The following PGS1 variants were observed in gnomAD, a reference collection of about 807,000 sequenced individuals.
PGS1 encodes CDP-diacylglycerol--glycerol-3-phosphate 3-phosphatidyltransferase, mitochondrial.
A neutral mutation model predicts 58.3 loss-of-function variants in PGS1; 44 were observed. The ratio of observed to expected loss-of-function variants is 0.75; its 90% CI spans 0.59 to 0.97. PGS1 has a LOEUF of 0.97. PGS1 is among the 50% of genes least tolerant of loss of function. PGS1 has a pLI of 0.00. For missense variants in PGS1, 684 were observed against 731.1 expected, an observed-to-expected ratio of 0.94 and a Z score of 0.74; for synonymous variants, 330 against 311.0, an observed-to-expected ratio of 1.06 and a Z score of -0.64.
intron 1 of PGS1, among the ~76,000 whole-genome samples, chr17:78,387,590 C>T (rs55938653): frequency 0.42 from 59,468 of 141,936 alleles, 12,877 homozygotes; most frequent in Non-Finnish European, 0.49. Context: ...TGAGCCATCG[C>T]GCCCAGCCTT....
chr17:78,398,064 T>C (rs1475583106), intron 3 of PGS1, 188 bp from the exon 4 acceptor site: 2 of 667,566 alleles, frequency 3.0e-6, no homozygotes, highest in South Asian at 1.5e-5. Flanking sequence ...CCCTGGGTGC[T>C]TCTTCTGATG....
chr17:78,393,981 C>T (rs1003627283), intron 2 of PGS1, among the ~76,000 whole-genome samples: 4 of 151,706 alleles, frequency 2.6e-5, no homozygotes, highest in South Asian at 4.2e-4. Flanking sequence ...GTCAGGAGTT[C>T]GAGAACAGCC....
chr17:78,422,969 G>A (rs931534622), intron 9 of PGS1, among the ~76,000 whole-genome samples: 2 of 152,000 alleles, frequency 1.3e-5, no homozygotes, highest in Non-Finnish European at 2.9e-5. Context: ...GGTGGTGGGT[G>A]CCTGTAACCC....
intron 8 of PGS1, 60 bp downstream of exon 8, chr17:78,415,087 C>T (rs2085062470): frequency 6.3e-7 from 1 of 1,590,174 alleles, no homozygotes; most frequent in Non-Finnish European, 8.6e-7. Flanking sequence ...GGCCCAGGCT[C>T]ACCCGTGCTG....
intron 2 of PGS1, among the ~76,000 whole-genome samples, chr17:78,394,611 A>C (rs746523662): frequency 2.0e-5 from 3 of 151,594 alleles, no homozygotes; most frequent in Non-Finnish European, 4.4e-5. Flanking sequence ...GCTGGAGTGC[A>C]ATGGCACGAT....
intron 9 of PGS1, among the ~76,000 whole-genome samples, chr17:78,423,094 C>A (rs1260463278): frequency 9.0e-6 from 1 of 110,560 alleles, no homozygotes; most frequent in African/African-American, 2.9e-5. Flanking sequence ...GTGAAACTCT[C>A]ACTCTCCCTC....
chr17:78,398,991 C>T (rs1296540752), intron 4 of PGS1, among the ~76,000 whole-genome samples: 1 of 152,218 alleles, frequency 6.6e-6, no homozygotes, highest in African/African-American at 2.4e-5. Context: ...CCTCATGGAG[C>T]TGGGGGTGAG....
intron 2 of PGS1, among the ~76,000 whole-genome samples, chr17:78,393,170 C>T (rs1325247859): frequency 2.0e-5 from 3 of 152,072 alleles, no homozygotes; most frequent in Non-Finnish European, 2.9e-5. Flanking sequence ...ACGCCATTCT[C>T]CTGCCTCAGC....
intron 1 of PGS1, among the ~76,000 whole-genome samples, chr17:78,379,839 A>G (rs2081910702): frequency 5.3e-5 from 8 of 151,976 alleles, no homozygotes. Flanking sequence ...CAAAAAAAAA[A>G]AATTCTCTTG....
In PGS1 at chr17:78,414,924, T is replaced by G. The variant is rs1179152699; in HGVS notation, c.1448T>G (p.Leu483Arg). The G allele has an allele frequency of 6.2e-7, 1 of 1,614,052 alleles. No individual in the cohort carries two copies. Residue 483 changes from leucine (L) to arginine (R), a missense_variant, in exon 8 of 10, where the codon CTG becomes CGG. Coordinates refer to ENST00000262764, the MANE Select transcript of PGS1 (RefSeq NM_024419.5). ...LAGSSLPCLTLIGSPNFGYRS... is the reference protein window; with the variant it reads ...LAGSSLPCLTRIGSPNFGYRS... ...GGGAGCAGCCTGCCCTGTCTCACGC[T>G]GATTGGCTCTCCTAATTTTGGGTAC...
rs764654492 is a variant in PGS1 at position 78,396,308 on chromosome 17, G to A, written c.334G>A (p.Gly112Arg). ...ATTTTGAATTTTTCTCCTCTCTCAG[G>A]GGCAGATAAGAGTAGCCAAGAGGCG... ...SPAEFFELMKGQIRVAKRRVV... is the reference protein window; with the variant it reads ...SPAEFFELMKRQIRVAKRRVV... The change falls in exon 3 of 10, where the codon GGG becomes AGG. Residue 112 changes from glycine (G) to arginine (R), a missense_variant and splice_region_variant. Physicochemically the swap from Gly to Arg is moderately radical, Grantham distance 125 (BLOSUM62 -2). Coordinates refer to ENST00000262764, the MANE Select transcript of PGS1 (RefSeq NM_024419.5). The A allele has an allele frequency of 4.2e-5, 67 of 1,611,600 alleles. No individual in the cohort carries two copies. Among genetic ancestry groups the A allele is most frequent in the Non-Finnish European group, 5.2e-5 (61 of 1,177,878 alleles).
At chr17:78,403,491 T>C (rs1454686647) in intron 6 of PGS1, 77 bp from the exon 7 acceptor site, 2 of 1,456,842 alleles carry the variant, frequency 1.4e-6, no homozygotes, top group African/African-American at 1.4e-5. Flanking sequence ...GCCTATCACA[T>C]GCCCTGTCCC....
In PGS1 at chr17:78,422,571, C is replaced by G. The variant is rs116521222; in HGVS notation, c.*11-1490C>G. On this transcript the variant is annotated intron_variant, in intron 9 of 9. Transcript: ENST00000262764. ...TGGAGTGAGTGGCATGATCATGCCTCGCTGCGTACTTGACCTCATGGGCTC... is the reference window on the plus strand; with the variant it reads ...TGGAGTGAGTGGCATGATCATGCCTGGCTGCGTACTTGACCTCATGGGCTC... 3.2e-3 allele frequency among the ~76,000 whole-genome samples: 482 copies of G among 152,208 alleles called. 3 individuals carry two copies. The highest frequency in any genetic ancestry group is 0.011 in the African/African-American group (447 of 41,528).
chr17:78,423,848 G>T, intron 9 of PGS1: 2 of 1,598,444 alleles, frequency 1.3e-6, no homozygotes, highest in South Asian at 2.2e-5. Context: ...AGGTGCACAG[G>T]TGAAGGGCTG....
At chr17:78,417,622 T>G (rs1024166554) in intron 8 of PGS1, among the ~76,000 whole-genome samples, 5 of 152,118 alleles carry the variant, frequency 3.3e-5, no homozygotes, top group Non-Finnish European at 5.9e-5. Flanking sequence ...CCCGGCCTCC[T>G]GAGCAGGGAG....
At position 78,415,038 on chromosome 17, in the gene PGS1, G is replaced by C. The variant is rs1392500999; in HGVS notation, c.1551+11G>C. On this transcript the variant is annotated intron_variant, in intron 8 of 9. Transcript: ENST00000262764. ...CAGCAGCTTCACCAGGTTGGTCGCA[G>C]CAAGTGGGATTTCCCAGGGCGCTGA... The C allele has an allele frequency of 6.8e-6, 11 of 1,610,222 alleles. No homozygotes were observed. Among genetic ancestry groups the C allele is most frequent in the South Asian group, 5.5e-5 (5 of 90,844 alleles).
In PGS1 at chr17:78,402,654, G is replaced by T. The variant is rs192674109; in HGVS notation, c.881-914G>T. Among the ~76,000 whole-genome samples the T allele has an allele frequency of 3.3e-5, 5 of 152,200 alleles. No homozygotes were observed. The East Asian group carries it at 9.7e-4, about 29-fold the overall frequency. On this transcript the variant is annotated intron_variant, in intron 6 of 9. Transcript: ENST00000262764. The stretch of plus-strand genomic sequence containing the variant: ...GTAGAGACAGGGTTTCACCATGTTG[G>T]TCAGGCTGGTCTCAAACTCCTGGCC...
rs5822252 is a variant in PGS1, at chr17:78,389,053, C to CTTTTTTTTTTTTTTT, written c.144-3415_144-3401dup. ...TGCCAAGGAGTGTTTCCTCTTCTTC[C>CTTTTTTTTTTTTTTT]TTTTTTTTTTTTTTTTTTTTTTGCG... On this transcript the variant is annotated intron_variant, in intron 1 of 9. Transcript: ENST00000262764. Among the ~76,000 whole-genome samples, 3 of 96,008 alleles carry CTTTTTTTTTTTTTTT rather than the reference C, an allele frequency of 3.1e-5. 1 individual carries two copies. Among genetic ancestry groups the CTTTTTTTTTTTTTTT allele is most frequent in the African/African-American group, 8.6e-5 (2 of 23,196 alleles). The allele number at this position is 96,008 out of a possible 152,430, so 63.0% of individuals were successfully genotyped here. A position where few individuals can be genotyped will look rare whatever the true frequency, so the allele number is the denominator to read the frequency against.
At chr17:78,397,477 C>A in intron 3 of PGS1, among the ~76,000 whole-genome samples, 1 of 131,926 alleles carries the variant, frequency 7.6e-6, no homozygotes, top group East Asian at 2.3e-4. Flanking sequence ...GCTCTTGTTG[C>A]CCAGGCTGGA....
Sources: gnomAD v4.1 joint callset for allele counts (sites outside exome capture counted in the v4.1 genomes callset) on GRCh38, gnomAD v4.1.1 for gene constraint, MANE v1.5 for transcripts, NCBI Gene and HGNC (gene_info 2026-07-23, HGNC 2026-07-21) for gene names.